ANKRD30B: variants seen among roughly 807,000 people sequenced by gnomAD.
ANKRD30B encodes the protein ankyrin repeat domain-containing protein 30B.
Under a neutral mutation model 202.2 loss-of-function variants are expected in ANKRD30B, and 144 were observed. The ratio of observed to expected loss-of-function variants is 0.71; its 90% CI spans 0.62 to 0.82. The LOEUF (loss-of-function observed/expected upper bound fraction) is 0.82. Among genes scored for constraint, ANKRD30B ranks in the 40% least tolerant of loss-of-function variants. ANKRD30B has a pLI of 0.00. For synonymous variants in ANKRD30B, 508 were observed against 561.3 expected (o/e 0.91, Z 1.34); for missense variants, 1,487 against 1,669.1 (o/e 0.89, Z 1.90).
intron 22 of ANKRD30B, among the ~76,000 whole-genome samples, chr18:14,799,682 G>A (rs1022210596): frequency 2.6e-5 from 4 of 152,060 alleles, no homozygotes; most frequent in Non-Finnish European, 5.9e-5. Context: ...TGACAGTTGT[G>A]AGCATTGTCA....
intron 15 of ANKRD30B, among the ~76,000 whole-genome samples, chr18:14,788,106 C>A (rs1387874422): frequency 5.3e-5 from 8 of 152,178 alleles, no homozygotes; most frequent in Admixed American, 2.0e-4. Flanking sequence ...AGACAGACAT[C>A]ATTTTTAACG....
rs1967488423 is a variant in ANKRD30B, at chr18:14,778,037, A to G, written c.1382A>G (p.Tyr461Cys). Residue 461 changes from tyrosine (Y) to cysteine (C), a missense_variant, in exon 10 of 44, where the codon TAT (tyrosine) becomes TGT (cysteine). By Grantham distance (194) the Tyr-to-Cys change is radical (BLOSUM62 -2). This residue lies in a region of ANKRD30B where 889 missense variants were observed against 841.4 expected (regional missense o/e 1.06). Coordinates refer to ENST00000690538, the MANE Select transcript of ANKRD30B (RefSeq NM_001367607.2). ...QNYTCLPDAT[Y>C]QKDIKTINHK... ...TATACGTGTTTACCTGATGCTACATATCAAAAAGATATCAAAACAATAAAT... is the reference window on the plus strand; with the variant it reads ...TATACGTGTTTACCTGATGCTACATGTCAAAAAGATATCAAAACAATAAAT... The G allele has an allele frequency of 1.9e-6, 3 of 1,549,528 alleles. No individual in the cohort carries two copies. The highest frequency in any genetic ancestry group is 2.4e-5 in the South Asian group (2 of 83,970).
At chr18:14,889,102 A>G in the ANKRD30B span, among the ~76,000 whole-genome samples, 1 of 151,522 alleles carries the variant, frequency 6.6e-6, no homozygotes, top group Non-Finnish European at 1.5e-5. Context: ...AATTTGAAAT[A>G]AAAACACCAC....
At position 14,825,114 on chromosome 18, in the gene ANKRD30B, C is replaced by G. The variant is rs572425599; in HGVS notation, c.2743+2437C>G. 3 of 152,312 alleles carry G rather than the reference C, an allele frequency of 2.0e-5. 1 individual carries two copies. The South Asian group carries it at 6.2e-4, about 32-fold the overall frequency. 9.4% of individuals were successfully genotyped at this position (152,312 alleles called of 1,614,324 possible). A position where few individuals can be genotyped will look rare whatever the true frequency, so the allele number is the denominator to read the frequency against. ...AAACCCTCGCCTGAACAATTTCCCC[C>G]GAACCTGGAAATCCTGAGCAGGCAC... is the stretch of plus-strand genomic sequence containing the variant. On this transcript the variant is annotated intron_variant, in intron 32 of 43. Transcript: ENST00000690538.
the ANKRD30B span, among the ~76,000 whole-genome samples, chr18:14,896,089 ACTG>A: frequency 1.3e-5 from 2 of 151,980 alleles, no homozygotes; most frequent in Admixed American, 1.3e-4. Flanking sequence ...TAATGGAGGA[ACTG>A]TGGGGGGAAA....
chr18:14,847,138 G>C (rs1216827958), intron 39 of ANKRD30B, among the ~76,000 whole-genome samples: 2 of 140,792 alleles, frequency 1.4e-5, no homozygotes, highest in East Asian at 4.3e-4. Flanking sequence ...ATTTCTTCAT[G>C]ATTTAGTCAT....
At chr18:14,881,443 T>A in the ANKRD30B span, among the ~76,000 whole-genome samples, 2 of 152,194 alleles carry the variant, frequency 1.3e-5, no homozygotes, top group Non-Finnish European at 2.9e-5. Context: ...CACTTGATCA[T>A]GGTGGATTAT....
downstream of ANKRD30B, among the ~76,000 whole-genome samples, chr18:14,856,575 C>T (rs1439081871): frequency 1.9e-4 from 16 of 82,360 alleles, no homozygotes; most frequent in Non-Finnish European, 2.6e-4. Context: ...CCAGATGGGG[C>T]GGCCGGGCAG....
intron 36 of ANKRD30B, among the ~76,000 whole-genome samples, chr18:14,838,166 A>T (rs1380253124): frequency 3.3e-5 from 5 of 152,294 alleles, no homozygotes. Flanking sequence ...GCAAAACAAA[A>T]TAAGGCTTAG....
intron 16 of ANKRD30B, among the ~76,000 whole-genome samples, chr18:14,793,405 C>T (rs900677150): frequency 5.3e-5 from 8 of 152,112 alleles, no homozygotes; most frequent in African/African-American, 1.9e-4. Context: ...ATTCTATGTT[C>T]AGCTTTTGCA....
the ANKRD30B span, among the ~76,000 whole-genome samples, chr18:14,881,974 G>A: frequency 2.0e-5 from 3 of 152,006 alleles, no homozygotes; most frequent in Admixed American, 6.6e-5. Flanking sequence ...TCTTAGTGAG[G>A]TTATTTGGAT....
chr18:14,866,799 G>T, the ANKRD30B span, among the ~76,000 whole-genome samples: 3 of 151,892 alleles, frequency 2.0e-5, no homozygotes, highest in Admixed American at 6.5e-5. Context: ...CGCTATCAGG[G>T]TCTACACTGC....
chr18:14,849,602 C>A (rs1971800283), intron 40 of ANKRD30B, among the ~76,000 whole-genome samples: 1 of 151,512 alleles, frequency 6.6e-6, no homozygotes, highest in South Asian at 2.1e-4. Flanking sequence ...AATATTTATA[C>A]TTTTTCTTGT....
chr18:14,904,789 A>G, the ANKRD30B span, among the ~76,000 whole-genome samples: 3 of 152,212 alleles, frequency 2.0e-5, no homozygotes, highest in African/African-American at 7.2e-5. Context: ...TATGGAGACA[A>G]AAGTTACAGG....
chr18:14,809,477 A>G (rs1313178595), intron 26 of ANKRD30B, among the ~76,000 whole-genome samples: 3 of 150,914 alleles, frequency 2.0e-5, no homozygotes, highest in Non-Finnish European at 4.4e-5. Flanking sequence ...AAAGAGGCCT[A>G]GAAGAGCCAT....
the ANKRD30B span, among the ~76,000 whole-genome samples, chr18:14,905,020 C>T: frequency 0.013 from 1,960 of 152,256 alleles, 43 homozygotes; most frequent in African/African-American, 0.045. Context: ...TCAAGACCCC[C>T]GAAAACCAAG....
In ANKRD30B at chr18:14,751,623, C is replaced by T. The variant is rs9956874; in HGVS notation, c.222-943C>T. On this transcript the variant is annotated intron_variant, in intron 1 of 43. Transcript: ENST00000690538. Reference sequence around the variant, plus strand: ...CCTAATTTACATGCATTCTATAAATCTAAATATGAATTTCCATACATTCTG... The same window carrying T: ...CCTAATTTACATGCATTCTATAAATTTAAATATGAATTTCCATACATTCTG... Among the ~76,000 whole-genome samples, 834 of 152,188 alleles carry T rather than the reference C, an allele frequency of 5.5e-3. 11 individuals carry two copies. The highest frequency in any genetic ancestry group is 0.019 in the African/African-American group (769 of 41,542).
intron 30 of ANKRD30B, among the ~76,000 whole-genome samples, chr18:14,820,924 T>A (rs993527238): frequency 1.3e-5 from 2 of 152,146 alleles, no homozygotes; most frequent in African/African-American, 4.8e-5. Flanking sequence ...ATTGGAATAG[T>A]TTCAGAAGGA....
intron 8 of ANKRD30B, among the ~76,000 whole-genome samples, chr18:14,770,264 G>T (rs139181618): frequency 6.6e-6 from 1 of 152,144 alleles, no homozygotes; most frequent in East Asian, 1.9e-4. Flanking sequence ...GGAATTTTAG[G>T]ATTTTAAGGA....
Sources: gnomAD v4.1 joint callset for allele counts (sites outside exome capture counted in the v4.1 genomes callset) on GRCh38, gnomAD v4.1.1 for gene constraint, gnomAD v4.1.1 regional missense constraint, MANE v1.5 for transcripts, NCBI Gene and HGNC (gene_info 2026-07-23, HGNC 2026-07-21) for gene names.